Variants in GPC6 observed in about 807,000 individuals in gnomAD.
The protein encoded by GPC6 is glypican 6, also known as glypican-6.
In GPC6, 14 loss-of-function variants were observed where a neutral mutation model predicts 55.2. The observed-to-expected ratio is 0.25, with a 90% CI of 0.17 to 0.40. GPC6 has a LOEUF of 0.40. GPC6 is among the 10% of genes least tolerant of loss of function. The probability of loss-of-function intolerance (pLI) is 1.00; values close to 1 mark genes in which losing one functional copy is unlikely to be tolerated. For missense variants in GPC6, 641 were observed against 708.5 expected (o/e 0.90, Z 1.08); for synonymous variants, 278 against 259.6 (o/e 1.07, Z -0.68).
intron 4 of GPC6, among the ~76,000 whole-genome samples, chr13:94,141,103 G>T (rs1887359838): frequency 6.6e-6 from 1 of 152,084 alleles, no homozygotes; most frequent in Admixed American, 6.6e-5. Context: ...CTGAGAAATT[G>T]TCACCAATGT....
intron 6 of GPC6, among the ~76,000 whole-genome samples, chr13:94,365,294 C>G (rs748160222): frequency 1.9e-4 from 29 of 152,170 alleles, no homozygotes; most frequent in Non-Finnish European, 3.4e-4. Context: ...CATAGACAGC[C>G]TTGGGTGCTG....
intron 4 of GPC6, among the ~76,000 whole-genome samples, chr13:94,122,110 C>T (rs1308841407): frequency 6.6e-6 from 1 of 151,878 alleles, no homozygotes; most frequent in Non-Finnish European, 1.5e-5. Context: ...TGTGAAAGGT[C>T]CTTCTTGCAG....
intron 1 of GPC6, among the ~76,000 whole-genome samples, chr13:93,528,847 T>C (rs999171346): frequency 6.6e-6 from 1 of 152,216 alleles, no homozygotes; most frequent in African/African-American, 2.4e-5. Flanking sequence ...GATGTAGATA[T>C]ACTTAAAAAT....
At chr13:93,368,382 TTCCTTCCG>T (rs1319389084) in intron 1 of GPC6, among the ~76,000 whole-genome samples, 3,115 of 102,280 alleles carry the variant, frequency 0.03, 49 homozygotes, top group Middle Eastern at 0.089. Context: ...CCTTCCTTCC[TTCCTTCCG>T]TCCTTCCTTC....
At chr13:93,829,649 T>C (rs1021318858) in intron 2 of GPC6, among the ~76,000 whole-genome samples, 1 of 152,190 alleles carries the variant, frequency 6.6e-6, no homozygotes, top group Non-Finnish European at 1.5e-5. Flanking sequence ...GATTGCTATA[T>C]ATAGAAACTA....
At chr13:93,905,710 G>A (rs1052064915) in intron 3 of GPC6, among the ~76,000 whole-genome samples, 20 of 152,174 alleles carry the variant, frequency 1.3e-4, no homozygotes, top group African/African-American at 3.9e-4. Flanking sequence ...TTGGGATTAG[G>A]TGAGAATAAT....
chr13:93,697,151 C>T (rs190393101), intron 2 of GPC6, among the ~76,000 whole-genome samples: 1 of 152,142 alleles, frequency 6.6e-6, no homozygotes, highest in Non-Finnish European at 1.5e-5. Flanking sequence ...CTGATAATAC[C>T]TGGCCCCAGC....
intron 2 of GPC6, among the ~76,000 whole-genome samples, chr13:93,768,243 G>A (rs1594440475): frequency 6.6e-6 from 1 of 152,208 alleles, no homozygotes; most frequent in Non-Finnish European, 1.5e-5. Context: ...TTTTCCCACC[G>A]TTTAGTGTTG....
intron 6 of GPC6, among the ~76,000 whole-genome samples, chr13:94,324,919 C>G (rs977201505): frequency 6.6e-6 from 1 of 152,088 alleles, no homozygotes; most frequent in African/African-American, 2.4e-5. Flanking sequence ...ACAACTGGAA[C>G]CAGCAATTTG....
intron 2 of GPC6, among the ~76,000 whole-genome samples, chr13:93,634,680 C>T (rs769287316): frequency 6.6e-6 from 1 of 151,930 alleles, no homozygotes; most frequent in Non-Finnish European, 1.5e-5. Context: ...TTTCTAGAAG[C>T]ATGAAGGAGA....
chr13:93,525,453 C>T (rs1881609734), intron 1 of GPC6, among the ~76,000 whole-genome samples: 1 of 152,134 alleles, frequency 6.6e-6, no homozygotes, highest in South Asian at 2.1e-4. Flanking sequence ...AGGATTTTAT[C>T]TGGGAAAACT....
intron 1 of GPC6, among the ~76,000 whole-genome samples, chr13:93,488,720 G>A (rs1879832390): frequency 6.6e-6 from 1 of 152,190 alleles, no homozygotes; most frequent in Admixed American, 6.5e-5. Flanking sequence ...CTGATGGCCA[G>A]TGATGATGAG....
intron 3 of GPC6, among the ~76,000 whole-genome samples, chr13:93,880,265 C>T (rs1470386276): frequency 9.2e-5 from 14 of 151,728 alleles, no homozygotes; most frequent in Non-Finnish European, 1.5e-4. Context: ...CACATGCACA[C>T]GTATGTTTAT....
intron 2 of GPC6, among the ~76,000 whole-genome samples, chr13:93,828,004 A>AT (rs60946886): frequency 0.051 from 7,682 of 149,858 alleles, 432 homozygotes; most frequent in East Asian, 0.17. Flanking sequence ...GTATCAGAGA[A>AT]TTTTTTTTTT....
chr13:94,015,114 T>A (rs935894443), intron 3 of GPC6, among the ~76,000 whole-genome samples: 1 of 152,214 alleles, frequency 6.6e-6, no homozygotes, highest in African/African-American at 2.4e-5. Flanking sequence ...ACTGCCAAAC[T>A]GTTTTTCCAA....
At chr13:93,257,204 C>T (rs922999999) in intron 1 of GPC6, among the ~76,000 whole-genome samples, 7 of 151,754 alleles carry the variant, frequency 4.6e-5, no homozygotes, top group South Asian at 4.2e-4. Context: ...AGGAGGCTGA[C>T]GGGGAGGACT....
At chr13:93,385,167 A>G (rs888896771) in intron 1 of GPC6, among the ~76,000 whole-genome samples, 2 of 152,224 alleles carry the variant, frequency 1.3e-5, no homozygotes, top group Non-Finnish European at 2.9e-5. Context: ...AGAATAAGGA[A>G]CCAGACACGC....
At chr13:94,058,860 A>G (rs1884223978) in intron 4 of GPC6, among the ~76,000 whole-genome samples, 1 of 152,206 alleles carries the variant, frequency 6.6e-6, no homozygotes, top group Non-Finnish European at 1.5e-5. Context: ...TTAGGTTCCA[A>G]TAAGTTAGAA....
intron 1 of GPC6, among the ~76,000 whole-genome samples, chr13:93,359,518 T>C (rs1348718959): frequency 6.6e-6 from 1 of 152,176 alleles, no homozygotes; most frequent in Non-Finnish European, 1.5e-5. Flanking sequence ...GTGTTTATAA[T>C]AAATATACAT....
Sources: gnomAD v4.1 joint callset for allele counts (sites outside exome capture counted in the v4.1 genomes callset) on GRCh38, gnomAD v4.1.1 for gene constraint, MANE v1.5 for transcripts, NCBI Gene and HGNC (gene_info 2026-07-23, HGNC 2026-07-21) for gene names.